CPEB3: variants seen among roughly 807,000 people sequenced by gnomAD.
CPEB3 encodes cytoplasmic polyadenylation element binding protein 3.
In CPEB3, 20 loss-of-function variants were observed where a neutral mutation model predicts 67.2. The ratio of observed to expected loss-of-function variants is 0.30; its 90% CI spans 0.21 to 0.43. The LOEUF (loss-of-function observed/expected upper bound fraction) is 0.43. Ranked by LOEUF, CPEB3 falls within the 20% of genes least tolerant of loss-of-function variation. The pLI, the probability that CPEB3 is intolerant of heterozygous loss-of-function variation, is 1.00. For synonymous variants in CPEB3, 376 were observed against 393.1 expected (o/e 0.96, Z 0.51); for missense variants, 746 against 968.6 (o/e 0.77, Z 3.05).
At chr10:92,235,035 C>G (rs1027004862) in intron 2 of CPEB3, among the ~76,000 whole-genome samples, 1 of 152,208 alleles carries the variant, frequency 6.6e-6, no homozygotes, top group Non-Finnish European at 1.5e-5. Flanking sequence ...ATGTAAAGTG[C>G]TTGGCACAGG....
chr10:92,271,138 G>A (rs1035518221), intron 1 of CPEB3, among the ~76,000 whole-genome samples: 10 of 152,102 alleles, frequency 6.6e-5, no homozygotes, highest in African/African-American at 1.7e-4. Context: ...AGCCGAGATC[G>A]CACCACCGCA....
chr10:92,271,850 C>T (rs1320549986), intron 1 of CPEB3, among the ~76,000 whole-genome samples: 2 of 152,194 alleles, frequency 1.3e-5, no homozygotes, highest in African/African-American at 2.4e-5. Flanking sequence ...GATTCTTACC[C>T]GCATCATTTA....
chr10:92,208,033 G>A (rs1343253298), intron 2 of CPEB3, among the ~76,000 whole-genome samples: 2 of 152,226 alleles, frequency 1.3e-5, no homozygotes, highest in Admixed American at 1.3e-4. Context: ...GTTGAAGTAG[G>A]ATAGGGTATC....
At chr10:92,231,812 C>T (rs1427408641) in intron 2 of CPEB3, among the ~76,000 whole-genome samples, 2 of 151,996 alleles carry the variant, frequency 1.3e-5, no homozygotes, top group Non-Finnish European at 2.9e-5. Flanking sequence ...CTCCGCCTCC[C>T]GGGTTCAAGT....
chr10:92,110,325 T>C (rs769778864), intron 7 of CPEB3, among the ~76,000 whole-genome samples: 22 of 152,200 alleles, frequency 1.4e-4, no homozygotes, highest in Admixed American at 3.3e-4. Flanking sequence ...CACCAAGCCT[T>C]GACACACAAA....
chr10:92,170,699 G>T (rs181953473), intron 4 of CPEB3, among the ~76,000 whole-genome samples: 1 of 152,144 alleles, frequency 6.6e-6, no homozygotes, highest in Non-Finnish European at 1.5e-5. Flanking sequence ...GAAAGAGAGG[G>T]TGGGAAGGAG....
chr10:92,100,481 G>A (rs532208335), intron 7 of CPEB3, among the ~76,000 whole-genome samples: 7 of 152,180 alleles, frequency 4.6e-5, no homozygotes, highest in African/African-American at 1.7e-4. Context: ...TCTCCATGTT[G>A]GTCAGGCTGG....
intron 7 of CPEB3, among the ~76,000 whole-genome samples, chr10:92,099,738 C>T (rs1844081802): frequency 6.6e-6 from 1 of 150,390 alleles, no homozygotes; most frequent in Admixed American, 6.6e-5. Flanking sequence ...GTGGCAGGTG[C>T]CTAAAATCCC....
At chr10:92,149,141 T>A (rs1206990703) in intron 4 of CPEB3, among the ~76,000 whole-genome samples, 1 of 152,192 alleles carries the variant, frequency 6.6e-6, no homozygotes, top group Non-Finnish European at 1.5e-5. Context: ...CCTCAAGTGA[T>A]CTGCCTGTCT....
At chr10:92,094,143 C>T (rs939289117) in intron 7 of CPEB3, among the ~76,000 whole-genome samples, 2 of 152,120 alleles carry the variant, frequency 1.3e-5, no homozygotes, top group African/African-American at 4.8e-5. Flanking sequence ...GAGCGAGCCA[C>T]TGTGCCCGGC....
intron 9 of CPEB3, among the ~76,000 whole-genome samples, chr10:92,070,533 T>C (rs1405989887): frequency 6.6e-6 from 1 of 152,040 alleles, no homozygotes. Flanking sequence ...TCCCAGCACT[T>C]TGGGAGGCCT....
At chr10:92,212,396 A>G (rs1240109284) in intron 2 of CPEB3, among the ~76,000 whole-genome samples, 1 of 149,864 alleles carries the variant, frequency 6.7e-6, no homozygotes, top group Non-Finnish European at 1.5e-5. Flanking sequence ...GATTACAGGC[A>G]CTCACCACTG....
intron 6 of CPEB3, among the ~76,000 whole-genome samples, chr10:92,122,692 T>G (rs1172361293): frequency 2.0e-5 from 3 of 152,170 alleles, no homozygotes; most frequent in Non-Finnish European, 1.5e-5. Flanking sequence ...TTTTTAAAAG[T>G]TGGACTTCAC....
At chr10:92,130,177 C>T (rs1047802892) in intron 6 of CPEB3, among the ~76,000 whole-genome samples, 2 of 151,856 alleles carry the variant, frequency 1.3e-5, no homozygotes, top group East Asian at 2.0e-4. Flanking sequence ...CTAGCTAACT[C>T]CTCAATTTTC....
chr10:92,087,876 T>G (rs1843438732), intron 8 of CPEB3, among the ~76,000 whole-genome samples: 2 of 152,194 alleles, frequency 1.3e-5, no homozygotes, highest in South Asian at 4.1e-4. Context: ...AGAATCAAAC[T>G]GCCCATTATT....
At chr10:92,231,232 A>G (rs768729248) in intron 2 of CPEB3, among the ~76,000 whole-genome samples, 1 of 152,126 alleles carries the variant, frequency 6.6e-6, no homozygotes, top group Non-Finnish European at 1.5e-5. Flanking sequence ...TAATATACAA[A>G]GTGCCTTTTG....
intron 7 of CPEB3, among the ~76,000 whole-genome samples, chr10:92,106,227 CT>C (rs77616371): frequency 4.2e-3 from 574 of 137,664 alleles, no homozygotes; most frequent in East Asian, 5.0e-3. Context: ...TACTATTAAC[CT>C]TTTTTTTTTT....
At chr10:92,084,747 T>C (rs990375650) in intron 8 of CPEB3, among the ~76,000 whole-genome samples, 1 of 151,996 alleles carries the variant, frequency 6.6e-6, no homozygotes, top group African/African-American at 2.4e-5. Context: ...GCCTGGCTAA[T>C]TTTTTGTATT....
chr10:92,137,588 T>C (rs1055206161), intron 6 of CPEB3: 13 of 699,944 alleles, frequency 1.9e-5, no homozygotes, highest in Middle Eastern at 4.1e-4. Context: ...CTGGAGGGGG[T>C]CCACCAATTC....
Sources: gnomAD v4.1 joint callset for allele counts (sites outside exome capture counted in the v4.1 genomes callset) on GRCh38, gnomAD v4.1.1 for gene constraint, MANE v1.5 for transcripts, NCBI Gene and HGNC (gene_info 2026-07-23, HGNC 2026-07-21) for gene names.